The following MALRD1 variants were observed in gnomAD, a reference collection of about 807,000 sequenced individuals.
MALRD1 encodes the protein MAM and LDL receptor class A domain containing 1, also known as MAM and LDL-receptor class A domain-containing protein 1.
MALRD1 carries 247 observed loss-of-function variants against 242.1 expected under a neutral mutation model. The ratio of observed to expected loss-of-function variants is 1.02; its 90% CI spans 0.92 to 1.13. The LOEUF (loss-of-function observed/expected upper bound fraction) is 1.13, where lower values mean the gene tolerates loss of function less well. Among genes scored for constraint, MALRD1 ranks in the 50% most tolerant of loss-of-function variants. MALRD1 has a pLI of 0.00. For missense variants in MALRD1, 2,989 were observed against 2,533.1 expected (o/e 1.18, Z -3.86); for synonymous variants, 995 against 866.6 (o/e 1.15, Z -2.60).
At chr10:19,369,635 A>C (rs999332947) in intron 26 of MALRD1, among the ~76,000 whole-genome samples, 5 of 3,012 alleles carry the variant, frequency 1.7e-3, no homozygotes, top group African/African-American at 4.1e-3. Flanking sequence ...AAGTATACAG[A>C]TATATTTAAA....
chr10:19,459,482 C>G (rs1308657383), intron 29 of MALRD1, among the ~76,000 whole-genome samples: 3 of 152,076 alleles, frequency 2.0e-5, no homozygotes, highest in Non-Finnish European at 4.4e-5. Flanking sequence ...CTTCATTAAG[C>G]CTTAGAGCCC....
intron 18 of MALRD1, among the ~76,000 whole-genome samples, chr10:19,215,719 A>C (rs191237510): frequency 8.7e-6 from 1 of 115,436 alleles, no homozygotes; most frequent in Non-Finnish European, 1.9e-5. Context: ...GTGCTATAAT[A>C]AATTAGTATA....
chr10:19,450,321 A>G lies in MALRD1; in HGVS notation c.4860A>G (p.Leu1620=), dbSNP rs1564352169. The part of the protein sequence containing the change: ...IQILIKTEKG[L]SKVWQESKQN... ...TTTACTTTCAGACAGAGAAAGGACTATCAAAAGTATGGCAAGAAAGTAAGC... is the reference window on the plus strand; with the variant it reads ...TTTACTTTCAGACAGAGAAAGGACTGTCAAAAGTATGGCAAGAAAGTAAGC... Residue 1620 remains leucine (L), a synonymous_variant, in exon 29 of 40, where the codon CTA becomes CTG. Transcript: ENST00000454679. The G allele has an allele frequency of 1.3e-6, 2 of 1,548,474 alleles. No homozygotes were observed. Among genetic ancestry groups the G allele is most frequent in the Non-Finnish European group, 1.7e-6 (2 of 1,146,714 alleles).
chr10:19,242,174 A>G (rs1838818151), intron 18 of MALRD1, among the ~76,000 whole-genome samples: 1 of 152,184 alleles, frequency 6.6e-6, no homozygotes, highest in Non-Finnish European at 1.5e-5. Flanking sequence ...GGAAGGCGAA[A>G]GGCACATCTT....
intron 5 of MALRD1, 85 bp downstream of exon 5, chr10:19,104,160 G>C (rs1836381526): frequency 4.2e-6 from 3 of 721,796 alleles, no homozygotes; most frequent in Non-Finnish European, 5.7e-6. Context: ...TTAATCTGCT[G>C]TTTATTTTTG....
chr10:19,699,141 T>C (rs940732400), intron 38 of MALRD1, among the ~76,000 whole-genome samples: 1 of 151,940 alleles, frequency 6.6e-6, no homozygotes, highest in Non-Finnish European at 1.5e-5. Flanking sequence ...CAAACCACCA[T>C]GGCACATGTA....
At chr10:19,344,181 T>A (rs10827293) in intron 24 of MALRD1, among the ~76,000 whole-genome samples, 83,363 of 151,818 alleles carry the variant, frequency 0.55, 23,122 homozygotes, top group Middle Eastern at 0.59. Flanking sequence ...AATGTATTGA[T>A]CTTTCCTCTT....
At chr10:19,730,177 C>T (rs1371907591) in intron 38 of MALRD1, among the ~76,000 whole-genome samples, 1 of 152,150 alleles carries the variant, frequency 6.6e-6, no homozygotes, top group African/African-American at 2.4e-5. Flanking sequence ...TGAAACACTA[C>T]CCTAAAGAAC....
At chr10:19,212,731 T>TGG (rs1176565896) in intron 18 of MALRD1, among the ~76,000 whole-genome samples, 3 of 152,168 alleles carry the variant, frequency 2.0e-5, no homozygotes, top group Non-Finnish European at 4.4e-5. Flanking sequence ...AGTTTCAGCT[T>TGG]CTCCACATCC....
intron 31 of MALRD1, among the ~76,000 whole-genome samples, chr10:19,528,246 G>A (rs772104541): frequency 4.6e-5 from 7 of 152,134 alleles, no homozygotes; most frequent in African/African-American, 1.4e-4. Flanking sequence ...GTAATCTTTT[G>A]TACTGAAAAT....
intron 21 of MALRD1, among the ~76,000 whole-genome samples, chr10:19,292,232 A>T (rs1347170583): frequency 6.6e-6 from 1 of 152,082 alleles, no homozygotes; most frequent in Non-Finnish European, 1.5e-5. Context: ...TGTACAATAC[A>T]CAATGTTTTT....
intron 26 of MALRD1, among the ~76,000 whole-genome samples, chr10:19,386,741 C>CAT (rs386370868): frequency 2.0e-5 from 3 of 151,498 alleles, no homozygotes; most frequent in African/African-American, 7.3e-5. Context: ...CACACACACA[C>CAT]AATACTCTTT....
chr10:19,450,179 G>C, intron 28 of MALRD1, 128 bp from the exon 29 acceptor site: 1 of 788,938 alleles, frequency 1.3e-6, no homozygotes, highest in South Asian at 2.1e-5. Context: ...CACAGATTCA[G>C]TGCTTCTTTG....
intron 21 of MALRD1, among the ~76,000 whole-genome samples, chr10:19,287,190 A>T (rs1037790617): frequency 6.6e-6 from 1 of 152,080 alleles, no homozygotes; most frequent in Admixed American, 6.6e-5. Context: ...TATCAATCCA[A>T]TTCCCTGGAG....
intron 14 of MALRD1, among the ~76,000 whole-genome samples, chr10:19,197,418 G>A (rs72786524): frequency 0.075 from 11,487 of 152,160 alleles, 492 homozygotes; most frequent in Middle Eastern, 0.11. Context: ...AAACATCCCA[G>A]TTGGTTCCCA....
chr10:19,582,557 G>T (rs1380664102), intron 33 of MALRD1, among the ~76,000 whole-genome samples: 1 of 137,266 alleles, frequency 7.3e-6, no homozygotes, highest in East Asian at 2.2e-4. Context: ...ATTTCTGAGG[G>T]CTCTGTTCTG....
At chr10:19,083,918 C>A (rs1322450269) in intron 2 of MALRD1, among the ~76,000 whole-genome samples, 3 of 151,822 alleles carry the variant, frequency 2.0e-5, no homozygotes, top group African/African-American at 7.3e-5. Flanking sequence ...ACATTTTTGC[C>A]AGTTTTAAAA....
intron 27 of MALRD1, among the ~76,000 whole-genome samples, chr10:19,388,628 T>C (rs968570646): frequency 6.6e-6 from 1 of 152,148 alleles, no homozygotes; most frequent in South Asian, 2.1e-4. Flanking sequence ...AGAGATGCCA[T>C]GAAAATTTAA....
chr10:19,540,526 C>G (rs913093412), intron 32 of MALRD1, among the ~76,000 whole-genome samples: 1 of 152,150 alleles, frequency 6.6e-6, no homozygotes, highest in Non-Finnish European at 1.5e-5. Flanking sequence ...TGCGTTGATA[C>G]TTATATTCAC....
Sources: allele counts gnomAD v4.1 joint callset (sites outside exome capture counted in the v4.1 genomes callset), GRCh38; gene constraint gnomAD v4.1.1; transcripts MANE v1.5; gene names NCBI Gene and HGNC (gene_info 2026-07-23, HGNC 2026-07-21).